Variants in SLC6A16 observed in about 807,000 individuals in gnomAD.
The protein encoded by SLC6A16 is solute carrier family 6 member 16, also known as orphan sodium- and chloride-dependent neurotransmitter transporter NTT5.
Under a neutral mutation model 65.4 loss-of-function variants are expected in SLC6A16, and 54 were observed. That is an observed-to-expected ratio of 0.83 (90% CI 0.66 to 1.04). The LOEUF is 1.04. SLC6A16 is among the 50% of genes least tolerant of loss of function. The pLI, the probability that SLC6A16 is intolerant of heterozygous loss-of-function variation, is 0.00. For synonymous variants in SLC6A16, 330 were observed against 346.5 expected (o/e 0.95, Z 0.53); for missense variants, 816 against 914.0 (o/e 0.89, Z 1.38).
At chr19:49,339,033 C>A in the SLC6A16 span, 1 of 1,022,944 alleles carries the variant, frequency 9.8e-7, no homozygotes, top group South Asian at 1.4e-5. This position sits in a 1 kb window ranked among gnomAD's most constrained non-coding sequence, Gnocchi z 4.5. Flanking sequence ...AGGGCGGGGT[C>A]TACGAGAAAA....
At chr19:49,306,600 T>C (rs1181265326) in intron 7 of SLC6A16, among the ~76,000 whole-genome samples, 1 of 150,276 alleles carries the variant, frequency 6.7e-6, no homozygotes, top group Non-Finnish European at 1.5e-5. Flanking sequence ...TGGAATGCAG[T>C]GGCACAATCT....
rs751688950 is a variant in SLC6A16 at position 49,290,416 on chromosome 19, TC to T, written c.1942-25del. ...GACTGTGGAGAGATGGGAAAAGGGT[TC>T]AGAATATCAAAATCCCCAAGAGAAA... is the stretch of plus-strand genomic sequence containing the variant. On this transcript the variant is annotated intron_variant, in intron 11 of 11. Coordinates refer to ENST00000335875, the MANE Select transcript of SLC6A16 (RefSeq NM_014037.3). 7.5e-6 allele frequency: 12 copies of T among 1,596,890 alleles called. No individual in the cohort carries two copies. The Admixed American group carries it at 1.0e-4, about 14-fold the overall frequency.
chr19:49,339,397 G>A, the SLC6A16 span: 1 of 1,613,958 alleles, frequency 6.2e-7, no homozygotes, highest in Non-Finnish European at 8.5e-7. This position sits in a 1 kb window ranked among gnomAD's most constrained non-coding sequence, Gnocchi z 4.5. Context: ...ATTTGCCTGG[G>A]CGTCGGCCTA....
At chr19:49,324,865 G>A (rs1371265358) in intron 1 of SLC6A16, among the ~76,000 whole-genome samples, 183 bp downstream of exon 1, 2 of 152,174 alleles carry the variant, frequency 1.3e-5, no homozygotes, top group Non-Finnish European at 2.9e-5. Flanking sequence ...CCTACGTGGG[G>A]GGTAAAGGAG....
At chr19:49,325,298 A>C, upstream of SLC6A16, 2 of 938,790 alleles carry the variant, frequency 2.1e-6, no homozygotes, top group Non-Finnish European at 2.5e-6. Context: ...GCCCTCCCCA[A>C]CTCCCTGCTC....
chr19:49,309,855 G>T (rs755175096), intron 4 of SLC6A16, 29 bp from the exon 5 acceptor site: 2 of 1,601,580 alleles, frequency 1.2e-6, no homozygotes, highest in Non-Finnish European at 1.7e-6. Flanking sequence ...AGACATGCCT[G>T]CTAGACAAGG....
At chr19:49,298,158 A>C (rs954162372) in intron 7 of SLC6A16, among the ~76,000 whole-genome samples, 4 of 152,216 alleles carry the variant, frequency 2.6e-5, no homozygotes, top group Non-Finnish European at 5.9e-5. Flanking sequence ...TATTACAGTG[A>C]AGGTGTAGAG....
intron 10 of SLC6A16, 147 bp downstream of exon 10, chr19:49,293,076 G>T (rs1970108495): frequency 1.1e-5 from 7 of 657,928 alleles, no homozygotes; most frequent in Non-Finnish European, 1.5e-5. Context: ...TGTGAAAATG[G>T]ATGAATGAAT....
chr19:49,315,709 G>T (rs1970603682), intron 1 of SLC6A16, among the ~76,000 whole-genome samples: 1 of 151,810 alleles, frequency 6.6e-6, no homozygotes, highest in Admixed American at 6.6e-5. Flanking sequence ...AAGAGATATA[G>T]GAAAAACATA....
chr19:49,309,848 C>T, intron 4 of SLC6A16, 22 bp from the exon 5 acceptor site: 1 of 1,603,394 alleles, frequency 6.2e-7, no homozygotes, highest in Non-Finnish European at 8.5e-7. Flanking sequence ...TGGCTTTAGA[C>T]ATGCCTGCTA....
At chr19:49,322,302 G>T (rs528493701) in intron 1 of SLC6A16, among the ~76,000 whole-genome samples, 1 of 152,192 alleles carries the variant, frequency 6.6e-6, no homozygotes, top group African/African-American at 2.4e-5. Context: ...AGAAAATTAT[G>T]AAAACAATTC....
chr19:49,310,622 G>T (rs1362322103), intron 2 of SLC6A16, 112 bp from the exon 3 acceptor site: 2 of 1,151,536 alleles, frequency 1.7e-6, no homozygotes, highest in Non-Finnish European at 2.5e-6. Context: ...AGGGCCACAG[G>T]CATCAGGGCT....
chr19:49,295,888 C>T (rs1340763368), intron 7 of SLC6A16, among the ~76,000 whole-genome samples: 2 of 152,230 alleles, frequency 1.3e-5, no homozygotes, highest in Non-Finnish European at 2.9e-5. Context: ...CAGAAGCTTG[C>T]TCCTGGCCCT....
the SLC6A16 span, chr19:49,331,496 G>C: frequency 3.6e-4 from 113 of 314,916 alleles, no homozygotes; most frequent in Middle Eastern, 2.4e-3. Context: ...ATAATGTTTT[G>C]ATATATATAG....
upstream of SLC6A16, among the ~76,000 whole-genome samples, chr19:49,329,622 C>CTTT (rs71180620): frequency 6.8e-4 from 48 of 70,768 alleles, no homozygotes; most frequent in East Asian, 1.4e-3. Flanking sequence ...AAGGCCTTGT[C>CTTT]TTTTTTTTTT....
chr19:49,294,394 C>G lies in SLC6A16; in HGVS notation c.1389G>C (p.Glu463Asp). Residue 463 changes from glutamate to aspartate, a missense_variant, in exon 8 of 12, where the codon GAG becomes GAC. Glu to Asp is a conservative substitution (Grantham distance 45). Transcript: ENST00000335875. ...TAAGAAACTGAGTCTCTATGTTGCA[C>G]TCAGTCACCTCGCGGAGAACCATGC... is the stretch of plus-strand genomic sequence containing the variant. ...IKSMVLREVT[E>D]CNIETQFLKA... The G allele has an allele frequency of 6.2e-7, 1 of 1,614,128 alleles. No individual in the cohort carries two copies. Among genetic ancestry groups the G allele is most frequent in the Non-Finnish European group, 8.5e-7 (1 of 1,180,034 alleles).
chr19:49,327,441 G>A (rs189204346), upstream of SLC6A16, among the ~76,000 whole-genome samples: 14 of 152,310 alleles, frequency 9.2e-5, no homozygotes, highest in East Asian at 1.4e-3. Flanking sequence ...CTGGAGTTGA[G>A]GCTTAAAGGA....
At chr19:49,316,441 C>G (rs76777629) in intron 1 of SLC6A16, among the ~76,000 whole-genome samples, 3,389 of 152,152 alleles carry the variant, frequency 0.022, 125 homozygotes, top group African/African-American at 0.071. Context: ...TCTGACAGAC[C>G]TGGGGATGGG....
chr19:49,333,916 C>T, the SLC6A16 span, among the ~76,000 whole-genome samples: 3 of 152,222 alleles, frequency 2.0e-5, no homozygotes, highest in African/African-American at 4.8e-5. Context: ...ATCTGACTGT[C>T]AGGATCCCAG....
Sources: allele counts gnomAD v4.1 joint callset (sites outside exome capture counted in the v4.1 genomes callset), GRCh38; gene constraint gnomAD v4.1.1; non-coding constraint Gnocchi (gnomAD v3.1); transcripts MANE v1.5; gene names NCBI Gene and HGNC (gene_info 2026-07-23, HGNC 2026-07-21).